Variants in CEP192 observed in about 807,000 individuals in gnomAD.
The protein encoded by CEP192 is centrosomal protein of 192 kDa.
Under a neutral mutation model 271.8 loss-of-function variants are expected in CEP192, and 151 were observed. The ratio of observed to expected loss-of-function variants is 0.56; its 90% CI spans 0.49 to 0.64. The LOEUF is 0.64. CEP192 is among the 30% of genes least tolerant of loss of function. The pLI is 0.00. For synonymous variants in CEP192, 995 were observed against 1,076.5 expected, an observed-to-expected ratio of 0.92 and a Z score of 1.48; for missense variants, 2,910 against 3,020.5, an observed-to-expected ratio of 0.96 and a Z score of 0.86.
intron 36 of CEP192, among the ~76,000 whole-genome samples, chr18:13,097,040 T>C (rs781726816): frequency 6.6e-6 from 1 of 152,214 alleles, no homozygotes; most frequent in Non-Finnish European, 1.5e-5. Context: ...CAAAATGATA[T>C]GCTAAAATTT....
chr18:13,117,479 C>G (rs953449031), intron 43 of CEP192, 106 bp from the exon 44 acceptor site: 1 of 800,560 alleles, frequency 1.2e-6, no homozygotes, highest in African/African-American at 1.7e-5. Context: ...GTGGCAATAC[C>G]TAAATTTACA....
rs141872438 is a variant in CEP192, at chr18:13,086,335, A to C, written c.5617-682A>C. Among the ~76,000 whole-genome samples, 301 of 152,328 alleles carry C rather than the reference A, an allele frequency of 2.0e-3. 1 individual carries two copies. The highest frequency in any genetic ancestry group is 3.7e-3 in the Admixed American group (57 of 15,306). Reference sequence around the variant, plus strand: ...ATCATGTCACCTGCAAAGAGAGACAATTTGACTTCCTCTCTTCCTATTTGA... The same window carrying C: ...ATCATGTCACCTGCAAAGAGAGACACTTTGACTTCCTCTCTTCCTATTTGA... On this transcript the variant is annotated intron_variant, in intron 30 of 44. Transcript: ENST00000506447.
intron 4 of CEP192, among the ~76,000 whole-genome samples, chr18:13,009,132 G>A (rs2034178130): frequency 6.6e-6 from 1 of 151,292 alleles, no homozygotes; most frequent in Non-Finnish European, 1.5e-5. Flanking sequence ...AGCTGGGACT[G>A]GATGCATGCA....
At chr18:13,038,337 G>A in intron 12 of CEP192, 33 bp from the exon 13 acceptor site, 2 of 1,495,070 alleles carry the variant, frequency 1.3e-6, no homozygotes, top group Non-Finnish European at 1.8e-6. Flanking sequence ...GACTTGCTGG[G>A]GGAAAGAAAC....
At chr18:13,063,928 C>G (rs2037546793) in intron 21 of CEP192, among the ~76,000 whole-genome samples, 1 of 150,460 alleles carries the variant, frequency 6.6e-6, no homozygotes, top group Non-Finnish European at 1.5e-5. Flanking sequence ...TCAAGCTGTT[C>G]TCCTGCCTCA....
chr18:13,103,846 T>C (rs970450444), intron 39 of CEP192: 5 of 548,678 alleles, frequency 9.1e-6, no homozygotes, highest in Non-Finnish European at 1.4e-5. Context: ...TGCACCACCA[T>C]GTCCAGCTAA....
Position 13,124,847 on chromosome 18 carries a change from C to A in CEP192, c.*77C>A. 1 of 1,155,254 alleles carries A rather than the reference C, an allele frequency of 8.7e-7. No homozygotes were observed. Among genetic ancestry groups the A allele is most frequent in the Non-Finnish European group, 1.2e-6 (1 of 818,272 alleles). The allele number at this position is 1,155,254 out of a possible 1,614,324, so 71.6% of individuals were successfully genotyped here. ...TTTATCTTTCTACACTACAATTATG[C>A]TTTTGTATATATATTTTGTATGATG... is the stretch of plus-strand genomic sequence containing the variant. On this transcript the variant is annotated 3_prime_UTR_variant, in exon 45 of 45. Coordinates refer to ENST00000506447, the MANE Select transcript of CEP192 (RefSeq NM_032142.4).
chr18:13,012,551 T>TG (rs1277242271), intron 4 of CEP192, among the ~76,000 whole-genome samples: 66 of 152,314 alleles, frequency 4.3e-4, no homozygotes, highest in African/African-American at 1.5e-3. Context: ...TTTGTGTGAA[T>TG]GGGGGTCTGA....
Position 13,055,949 on chromosome 18 carries a change from C to T in CEP192, c.3359C>T (p.Thr1120Ile). The T allele has an allele frequency of 6.2e-7, 1 of 1,614,200 alleles. No homozygotes were observed. The highest frequency in any genetic ancestry group is 2.2e-5 in the East Asian group (1 of 44,880). ...TCTGATACAAGAAAAGCAACTGAAA[C>T]TACTTCTCTGAGTAGCAAGCCTGAA... ...NNSDTRKATE[T>I]TSLSSKPEYV... is the part of the protein sequence containing the mutation. The change falls in exon 19 of 45, where the codon ACT becomes ATT. Residue 1120 changes from threonine (T) to isoleucine (I), a missense_variant. By Grantham distance (89) the Thr-to-Ile change is moderately conservative. Coordinates refer to ENST00000506447, the MANE Select transcript of CEP192 (RefSeq NM_032142.4).
rs186471456 is a variant in CEP192, at chr18:13,080,960, A to G, written c.5617-6057A>G. 3.1e-3 allele frequency among the ~76,000 whole-genome samples: 469 copies of G among 152,318 alleles called. 3 individuals are homozygous for G. Among genetic ancestry groups the G allele is most frequent in the African/African-American group, 0.011 (456 of 41,588 alleles). On this transcript the variant is annotated intron_variant, in intron 30 of 44. Coordinates refer to ENST00000506447, the MANE Select transcript of CEP192 (RefSeq NM_032142.4). ...TACATTTATTGATTTGCATATGTTGAACCAGCCTTGCATTCCAGGGATGAA... is the reference window on the plus strand; with the variant it reads ...TACATTTATTGATTTGCATATGTTGGACCAGCCTTGCATTCCAGGGATGAA...
intron 30 of CEP192, among the ~76,000 whole-genome samples, chr18:13,083,569 T>G (rs1169645560): frequency 2.0e-5 from 3 of 152,200 alleles, no homozygotes; most frequent in African/African-American, 7.2e-5. Flanking sequence ...ACATTCTCCT[T>G]TAGCTCGGAG....
At chr18:13,053,129 A>G (rs760668078) in intron 18 of CEP192, 39 bp downstream of exon 18, 2 of 1,515,286 alleles carry the variant, frequency 1.3e-6, no homozygotes, top group African/African-American at 1.4e-5. Context: ...TAAGGCTTTC[A>G]ACTCTTAAAA....
chr18:13,117,606 G>A lies in CEP192; in HGVS notation c.7438G>A (p.Glu2480Lys), dbSNP rs2145125233. The A allele has an allele frequency of 6.2e-7, 1 of 1,612,744 alleles. No homozygotes were observed. The highest frequency in any genetic ancestry group is 2.2e-5 in the East Asian group (1 of 44,852). Residue 2480 changes from glutamate to lysine, a missense_variant, in exon 44 of 45, where the codon GAG becomes AAG. Transcript: ENST00000506447. Reference protein sequence around the residue: ...THSLKFLSPREPFYVKHSKYS... With the variant: ...THSLKFLSPRKPFYVKHSKYS... ...CCAGCTGAAGTTTTTGAGTCCCAGAGAGCCATTCTATGTCAAACATTCCAA... is the reference window on the plus strand; with the variant it reads ...CCAGCTGAAGTTTTTGAGTCCCAGAAAGCCATTCTATGTCAAACATTCCAA...
At chr18:13,062,188 G>T (rs1347819609) in intron 21 of CEP192, among the ~76,000 whole-genome samples, 2 of 152,122 alleles carry the variant, frequency 1.3e-5, no homozygotes, top group African/African-American at 4.8e-5. Flanking sequence ...GGAACCACTG[G>T]TGTAGGGAAT....
Position 13,117,620 on chromosome 18 carries a change from C to T in CEP192, c.7452C>T (p.Val2484=). The T allele has an allele frequency of 6.2e-7, 1 of 1,612,660 alleles. No homozygotes were observed. The highest frequency in any genetic ancestry group is 8.5e-7 in the Non-Finnish European group (1 of 1,178,816). The change falls in exon 44 of 45, where the codon GTC becomes GTT. Residue 2484 remains valine, a synonymous_variant. Transcript: ENST00000506447. ...KFLSPREPFY[V]KHSKYSLRAQ... The stretch of plus-strand genomic sequence containing the variant: ...TGAGTCCCAGAGAGCCATTCTATGT[C>T]AAACATTCCAAGTACTCTTTGAGGT...
chr18:13,088,703 T>C (rs1005109376), intron 32 of CEP192: 9 of 244,246 alleles, frequency 3.7e-5, no homozygotes, highest in Non-Finnish European at 7.7e-5. Flanking sequence ...CTTGACTGTT[T>C]TTTATTCTAA....
At chr18:12,991,495 C>T (rs1342837364) in intron 1 of CEP192, 58 bp downstream of exon 1, 1 of 152,394 alleles carries the variant, frequency 6.6e-6, no homozygotes, top group Non-Finnish European at 1.5e-5. Context: ...ACGCATGCAC[C>T]TTTGGCCTAC....
chr18:13,124,090 G>A (rs2040796411), intron 44 of CEP192, among the ~76,000 whole-genome samples: 1 of 152,126 alleles, frequency 6.6e-6, no homozygotes, highest in Admixed American at 6.5e-5. Flanking sequence ...AATCTGGGAG[G>A]TAGAAGTTGC....
intron 3 of CEP192, among the ~76,000 whole-genome samples, chr18:13,005,868 A>G (rs948140848): frequency 6.6e-6 from 1 of 152,244 alleles, no homozygotes; most frequent in Non-Finnish European, 1.5e-5. Context: ...GAATTTTAGG[A>G]TGAAAATAAA....
Sources: allele counts gnomAD v4.1 joint callset (sites outside exome capture counted in the v4.1 genomes callset), GRCh38; gene constraint gnomAD v4.1.1; transcripts MANE v1.5; gene names NCBI Gene and HGNC (gene_info 2026-07-23, HGNC 2026-07-21).